Variants in GRIK4 observed in about 807,000 individuals in gnomAD.
The protein encoded by GRIK4 is glutamate receptor ionotropic, kainate 4.
In GRIK4, 40 loss-of-function variants were observed where a neutral mutation model predicts 104.9. The ratio of observed to expected loss-of-function variants is 0.38; its 90% CI spans 0.30 to 0.50. The LOEUF (loss-of-function observed/expected upper bound fraction) is 0.50. GRIK4 is among the 20% of genes least tolerant of loss of function. The pLI is 0.93. For synonymous variants in GRIK4, 485 were observed against 524.9 expected (o/e 0.92, Z 1.04); for missense variants, 1,047 against 1,308.1 (o/e 0.80, Z 3.08).
At chr11:120,867,830 A>T (rs1425591633) in intron 9 of GRIK4, 4 of 152,112 alleles carry the variant, frequency 2.6e-5, no homozygotes, top group Admixed American at 6.5e-5. Context: ...CGCTAGCTTC[A>T]CACGCCGTTC....
At chr11:120,564,984 TG>T (rs148651543) in intron 1 of GRIK4, among the ~76,000 whole-genome samples, 62,607 of 138,790 alleles carry the variant, frequency 0.45, 13,307 homozygotes, top group African/African-American at 0.6. Flanking sequence ...TGCGGGGGGG[TG>T]GGGGGGGTGG....
At chr11:120,521,247 A>AT (rs112514954) in intron 1 of GRIK4, among the ~76,000 whole-genome samples, 3 of 151,912 alleles carry the variant, frequency 2.0e-5, no homozygotes, top group African/African-American at 7.3e-5. Context: ...GAATATTTTG[A>AT]TTTTTTGTGG....
At chr11:120,567,000 A>C in intron 1 of GRIK4, among the ~76,000 whole-genome samples, 2 of 117,806 alleles carry the variant, frequency 1.7e-5, no homozygotes, top group Admixed American at 9.1e-5. Flanking sequence ...TTTTTGAGAC[A>C]AGGTCTTGTT....
chr11:120,928,029 A>G (rs1943391106), intron 13 of GRIK4, among the ~76,000 whole-genome samples: 1 of 152,036 alleles, frequency 6.6e-6, no homozygotes, highest in Non-Finnish European at 1.5e-5. Flanking sequence ...AGCCTGGCCA[A>G]CGTGGTGAAA....
At chr11:120,680,534 T>G (rs1950174480) in intron 3 of GRIK4, among the ~76,000 whole-genome samples, 2 of 152,208 alleles carry the variant, frequency 1.3e-5, no homozygotes, top group Non-Finnish European at 2.9e-5. Context: ...TATGTCTCAT[T>G]ACCTCTGACT....
rs1489411574 is a variant in GRIK4, at chr11:120,911,796, C to G, written c.1476+6303C>G. On this transcript the variant is annotated intron_variant, in intron 13 of 20. Transcript: ENST00000527524. ...GGTGGAGGTTGCAGTGAGCCGAGAT[C>G]GTGTGCCATTGCATTCCAGCCTGAG... is the stretch of plus-strand genomic sequence containing the variant. 5.6e-5 allele frequency among the ~76,000 whole-genome samples: 8 copies of G among 143,410 alleles called. No individual in the cohort carries two copies. The Admixed American group carries it at 5.7e-4, about 10-fold the overall frequency. The allele number at this position is 143,410 out of a possible 152,430, so 94.1% of individuals were successfully genotyped here. A position where few individuals can be genotyped will look rare whatever the true frequency, so the allele number is the denominator to read the frequency against.
At chr11:120,610,741 A>G (rs562860368) in intron 1 of GRIK4, among the ~76,000 whole-genome samples, 36 of 152,326 alleles carry the variant, frequency 2.4e-4, no homozygotes, top group African/African-American at 8.4e-4. Flanking sequence ...TGCAGGAAAT[A>G]GGAAATGCCT....
rs947630815 is a variant in GRIK4 at position 120,986,465 on chromosome 11, G to T, written c.*205G>T. 6 of 672,268 alleles carry T rather than the reference G, an allele frequency of 8.9e-6. No homozygotes were observed. Among genetic ancestry groups the T allele is most frequent in the Non-Finnish European group, 1.2e-5 (5 of 432,744 alleles). The allele number at this position is 672,268 out of a possible 1,614,324, so 41.6% of individuals were successfully genotyped here. On this transcript the variant is annotated 3_prime_UTR_variant, in exon 21 of 21. Transcript: ENST00000527524. ...CAGGGAGCAGGGTCCACCCGGAAAC[G>T]TTGCACCCAAAGGGCAAAGGACGGC...
At chr11:120,606,271 G>T (rs1011636450) in intron 1 of GRIK4, among the ~76,000 whole-genome samples, 1 of 152,078 alleles carries the variant, frequency 6.6e-6, no homozygotes, top group African/African-American at 2.4e-5. Context: ...CCCTCCCCAC[G>T]CCCCTCCTCT....
chr11:120,979,630 G>C (rs1944617625), intron 19 of GRIK4, among the ~76,000 whole-genome samples: 3 of 152,122 alleles, frequency 2.0e-5, no homozygotes, highest in Admixed American at 2.0e-4. Flanking sequence ...TCTTCAAGGA[G>C]GGAGAAACAT....
intron 4 of GRIK4, among the ~76,000 whole-genome samples, chr11:120,812,602 T>A (rs1952851962): frequency 6.6e-6 from 1 of 152,234 alleles, no homozygotes; most frequent in African/African-American, 2.4e-5. Context: ...GTTATTAGTA[T>A]CTTATAGGTG....
At chr11:120,761,400 C>T (rs1951747060) in intron 3 of GRIK4, among the ~76,000 whole-genome samples, 1 of 152,118 alleles carries the variant, frequency 6.6e-6, no homozygotes, top group South Asian at 2.1e-4. Context: ...TTACAGGTTC[C>T]CTGTTCACTC....
chr11:120,640,612 T>C (rs533858962), intron 1 of GRIK4, among the ~76,000 whole-genome samples: 1 of 152,346 alleles, frequency 6.6e-6, no homozygotes, highest in South Asian at 2.1e-4. Context: ...AATTCCAAGC[T>C]GCCATGTAAC....
At chr11:120,876,154 A>C (rs1033641006) in intron 11 of GRIK4, among the ~76,000 whole-genome samples, 6 of 150,142 alleles carry the variant, frequency 4.0e-5, no homozygotes, top group African/African-American at 1.2e-4. Flanking sequence ...CATCACCACC[A>C]CCACCATCAT....
At chr11:120,612,575 A>G (rs994172729) in intron 1 of GRIK4, among the ~76,000 whole-genome samples, 5 of 152,164 alleles carry the variant, frequency 3.3e-5, no homozygotes, top group African/African-American at 7.2e-5. Flanking sequence ...CTGAGTCCCT[A>G]TGATGAAACG....
At chr11:120,855,840 G>C (rs1954092674) in intron 8 of GRIK4, among the ~76,000 whole-genome samples, 1 of 152,254 alleles carries the variant, frequency 6.6e-6, no homozygotes, top group Non-Finnish European at 1.5e-5. Flanking sequence ...TGGGATTATA[G>C]GCGTGAGCCA....
chr11:120,527,901 G>C (rs1015371694), intron 1 of GRIK4, among the ~76,000 whole-genome samples: 12 of 152,330 alleles, frequency 7.9e-5, no homozygotes, highest in African/African-American at 2.9e-4. Context: ...AACCCCTTCA[G>C]CTGCTTTATC....
intron 3 of GRIK4, among the ~76,000 whole-genome samples, chr11:120,762,922 C>T (rs1252482640): frequency 5.3e-5 from 8 of 152,126 alleles, no homozygotes; most frequent in African/African-American, 1.9e-4. Context: ...TGTTGTGTCT[C>T]TGCCAGATTT....
chr11:120,696,299 T>C (rs1474200314), intron 3 of GRIK4, among the ~76,000 whole-genome samples: 1 of 152,064 alleles, frequency 6.6e-6, no homozygotes, highest in Non-Finnish European at 1.5e-5. Flanking sequence ...GGAAGAGATG[T>C]GTCCTGTACA....
Sources: gnomAD v4.1 joint callset for allele counts (sites outside exome capture counted in the v4.1 genomes callset) on GRCh38, gnomAD v4.1.1 for gene constraint, MANE v1.5 for transcripts, NCBI Gene and HGNC (gene_info 2026-07-23, HGNC 2026-07-21) for gene names.